The following NEGR1 variants were observed in gnomAD, a reference collection of about 807,000 sequenced individuals.
The protein encoded by NEGR1 is IgLON family member 4.
NEGR1 carries 10 observed loss-of-function variants against 40.9 expected under a neutral mutation model. The ratio of observed to expected loss-of-function variants is 0.24; its 90% CI spans 0.15 to 0.42. NEGR1 has a LOEUF of 0.42. NEGR1 is among the 10% of genes least tolerant of loss of function. The pLI is 1.00. For missense variants in NEGR1, 352 were observed against 438.9 expected (o/e 0.80, Z 1.77); for synonymous variants, 185 against 166.8 (o/e 1.11, Z -0.84).
At chr1:71,749,833 A>G (rs961731727) in intron 3 of NEGR1, among the ~76,000 whole-genome samples, 1 of 152,234 alleles carries the variant, frequency 6.6e-6, no homozygotes, top group Non-Finnish European at 1.5e-5. Context: ...ACTGTAAAGT[A>G]CCAAAAAATG....
At chr1:71,718,435 A>G (rs1305210413) in intron 3 of NEGR1, among the ~76,000 whole-genome samples, 4 of 152,192 alleles carry the variant, frequency 2.6e-5, no homozygotes, top group South Asian at 2.1e-4. Context: ...TGCCAGCAGC[A>G]TGCTTCCTTT....
chr1:71,944,097 G>A (rs887652357), intron 1 of NEGR1, among the ~76,000 whole-genome samples: 4 of 152,136 alleles, frequency 2.6e-5, no homozygotes, highest in African/African-American at 9.7e-5. Context: ...ACATGGACTT[G>A]ATTGAATGTG....
intron 1 of NEGR1, among the ~76,000 whole-genome samples, chr1:72,084,832 A>T (rs906811053): frequency 1.3e-5 from 2 of 152,228 alleles, no homozygotes; most frequent in African/African-American, 4.8e-5. Context: ...ATTGTATATG[A>T]ACTAAAATAT....
chr1:72,003,669 G>T (rs1646577933), intron 1 of NEGR1, among the ~76,000 whole-genome samples: 1 of 151,978 alleles, frequency 6.6e-6, no homozygotes, highest in South Asian at 2.1e-4. Context: ...TCCTTATCAT[G>T]TTGAGCTTAT....
intron 5 of NEGR1, among the ~76,000 whole-genome samples, chr1:71,603,356 T>C (rs997140682): frequency 6.6e-6 from 1 of 152,228 alleles, no homozygotes; most frequent in Non-Finnish European, 1.5e-5. Context: ...AGAAACAGAA[T>C]GTACTTCTAG....
intron 1 of NEGR1, among the ~76,000 whole-genome samples, chr1:71,939,358 T>A (rs1210777674): frequency 6.6e-6 from 1 of 152,190 alleles, no homozygotes; most frequent in Non-Finnish European, 1.5e-5. Flanking sequence ...GAATTTTGTC[T>A]ATTTGGTTGC....
At chr1:71,878,094 T>C (rs1660483118) in intron 2 of NEGR1, among the ~76,000 whole-genome samples, 1 of 152,326 alleles carries the variant, frequency 6.6e-6, no homozygotes, top group South Asian at 2.1e-4. Context: ...CTTACTATTT[T>C]ATATTTGTAT....
intron 6 of NEGR1, among the ~76,000 whole-genome samples, chr1:71,490,774 A>G (rs1646922328): frequency 6.6e-6 from 1 of 152,028 alleles, no homozygotes; most frequent in Non-Finnish European, 1.5e-5. Flanking sequence ...AAAGCCCGTA[A>G]CTGCAGAAAT....
At chr1:71,818,725 A>T (rs371399196) in intron 2 of NEGR1, among the ~76,000 whole-genome samples, 2 of 152,124 alleles carry the variant, frequency 1.3e-5, no homozygotes, top group East Asian at 3.9e-4. Flanking sequence ...AATACATAAA[A>T]ATAAACTATG....
At chr1:71,920,366 C>A (rs1645703351) in intron 2 of NEGR1, among the ~76,000 whole-genome samples, 1 of 152,152 alleles carries the variant, frequency 6.6e-6, no homozygotes, top group South Asian at 2.1e-4. Context: ...GAATGACTTA[C>A]TATATACCCT....
At chr1:72,206,465 G>C (rs1279178044) in intron 1 of NEGR1, among the ~76,000 whole-genome samples, 1 of 152,026 alleles carries the variant, frequency 6.6e-6, no homozygotes, top group Non-Finnish European at 1.5e-5. Flanking sequence ...ATTTGATGCT[G>C]CTATTTATAC....
At chr1:72,124,073 A>G (rs1328007654) in intron 1 of NEGR1, among the ~76,000 whole-genome samples, 1 of 152,056 alleles carries the variant, frequency 6.6e-6, no homozygotes, top group African/African-American at 2.4e-5. Flanking sequence ...AAAGGGATTG[A>G]AAACATATTT....
At chr1:71,942,984 ATGTGTATATATATGTGTGTG>A (rs1645981918) in intron 1 of NEGR1, among the ~76,000 whole-genome samples, 3 of 136,732 alleles carry the variant, frequency 2.2e-5, no homozygotes, top group African/African-American at 5.4e-5. Context: ...ATAAGTATAT[ATGTGTATATATATGTGTGTG>A]TATATATATA....
chr1:72,203,335 T>C (rs1338144498), intron 1 of NEGR1, among the ~76,000 whole-genome samples: 1 of 152,056 alleles, frequency 6.6e-6, no homozygotes, highest in Non-Finnish European at 1.5e-5. Flanking sequence ...CTCTTATGGG[T>C]GACTTTGAGC....
intron 4 of NEGR1, among the ~76,000 whole-genome samples, chr1:71,693,314 C>T (rs1653356797): frequency 1.3e-5 from 2 of 151,756 alleles, no homozygotes; most frequent in East Asian, 3.9e-4. Flanking sequence ...AACCTAATAT[C>T]TTTTCTCTAT....
intron 6 of NEGR1, among the ~76,000 whole-genome samples, chr1:71,572,739 A>T (rs892106229): frequency 6.6e-6 from 1 of 152,202 alleles, no homozygotes; most frequent in African/African-American, 2.4e-5. Context: ...TACTATGGAA[A>T]CAACACTAGT....
chr1:72,274,607 C>T, intron 1 of NEGR1: 2 of 789,016 alleles, frequency 2.5e-6, no homozygotes, highest in Non-Finnish European at 4.7e-6. Context: ...TACCTTTAAC[C>T]ACTCTATGGC....
intron 1 of NEGR1, among the ~76,000 whole-genome samples, chr1:72,209,862 C>T (rs1653535065): frequency 6.6e-6 from 1 of 151,796 alleles, no homozygotes; most frequent in Non-Finnish European, 1.5e-5. Flanking sequence ...ATGTGACAGA[C>T]ACACACACTA....
In NEGR1 at chr1:71,407,407, T is replaced by G; in HGVS notation, c.*39A>C. The G allele has an allele frequency of 6.2e-7, 1 of 1,602,800 alleles. No individual in the cohort carries two copies. The highest frequency in any genetic ancestry group is 8.5e-7 in the Non-Finnish European group (1 of 1,172,326). Reference sequence around the variant, plus strand: ...CAGATTGGATCCAGCCATCAGCACTTTCAGAGAATCCTTAAAAGCCTTTTA... The same window carrying G: ...CAGATTGGATCCAGCCATCAGCACTGTCAGAGAATCCTTAAAAGCCTTTTA... On this transcript the variant is annotated 3_prime_UTR_variant, in exon 7 of 7. Transcript: ENST00000357731.
Sources: gnomAD v4.1 joint callset for allele counts (sites outside exome capture counted in the v4.1 genomes callset) on GRCh38, gnomAD v4.1.1 for gene constraint, MANE v1.5 for transcripts, NCBI Gene and HGNC (gene_info 2026-07-23, HGNC 2026-07-21) for gene names.